Variants in SLCO1B3 observed in about 807,000 individuals in gnomAD.
SLCO1B3 encodes liver-specific organic anion transporter 2.
SLCO1B3 carries 72 observed loss-of-function variants against 71.8 expected under a neutral mutation model. The ratio of observed to expected loss-of-function variants is 1.00; its 90% CI spans 0.83 to 1.22. The LOEUF (loss-of-function observed/expected upper bound fraction) is 1.22. Among genes scored for constraint, SLCO1B3 ranks in the 50% most tolerant of loss-of-function variants. The pLI is 0.00. For missense variants in SLCO1B3, 911 were observed against 819.7 expected, an observed-to-expected ratio of 1.11 and a Z score of -1.36; for synonymous variants, 298 against 278.4, an observed-to-expected ratio of 1.07 and a Z score of -0.70.
At chr12:20,901,802 T>C in intron 15 of SLCO1B3, 1 of 360,636 alleles carries the variant, frequency 2.8e-6, no homozygotes, top group South Asian at 2.0e-5. Context: ...CCCACTGGCT[T>C]CTCCAGGAAG....
intron 8 of SLCO1B3, among the ~76,000 whole-genome samples, chr12:20,873,230 C>T (rs192725209): frequency 4.6e-5 from 7 of 152,214 alleles, no homozygotes; most frequent in Non-Finnish European, 1.0e-4. Flanking sequence ...GTATGCCTAA[C>T]CTAAAGACAA....
At chr12:20,833,494 A>G (rs1864588727) in intron 3 of SLCO1B3, among the ~76,000 whole-genome samples, 1 of 149,076 alleles carries the variant, frequency 6.7e-6, no homozygotes, top group African/African-American at 2.4e-5. Flanking sequence ...ACACAGATAT[A>G]TACATATGTT....
chr12:20,891,065 ATTTC>A (rs1457628792), intron 13 of SLCO1B3, among the ~76,000 whole-genome samples: 3 of 152,070 alleles, frequency 2.0e-5, no homozygotes, highest in Admixed American at 6.6e-5. Context: ...ATTGTTAATT[ATTTC>A]TTAATTGCTT....
intron 3 of SLCO1B3, among the ~76,000 whole-genome samples, chr12:20,850,032 CT>C (rs71043207): frequency 0.36 from 48,539 of 134,016 alleles, 8,977 homozygotes; most frequent in African/African-American, 0.53. Context: ...TCCCAACAGC[CT>C]TTTTTTTTTT....
At chr12:20,823,283 G>A (rs962427038) in intron 3 of SLCO1B3, among the ~76,000 whole-genome samples, 1 of 152,054 alleles carries the variant, frequency 6.6e-6, no homozygotes, top group Non-Finnish European at 1.5e-5. Context: ...TTAATATTTA[G>A]TAATTTCAAA....
intron 3 of SLCO1B3, among the ~76,000 whole-genome samples, chr12:20,831,999 C>G (rs1864551847): frequency 6.6e-6 from 1 of 152,166 alleles, no homozygotes; most frequent in Non-Finnish European, 1.5e-5. Flanking sequence ...AAATGAATTT[C>G]CCTAGTTCTC....
At chr12:20,826,230 C>T (rs201265343) in intron 3 of SLCO1B3, among the ~76,000 whole-genome samples, 44 of 150,670 alleles carry the variant, frequency 2.9e-4, no homozygotes, top group Non-Finnish European at 5.5e-4. Flanking sequence ...TAAGGTAAAA[C>T]TTTTTTTTTA....
At chr12:20,909,789 T>A (rs1184890683) in intron 15 of SLCO1B3, among the ~76,000 whole-genome samples, 1 of 152,120 alleles carries the variant, frequency 6.6e-6, no homozygotes, top group Non-Finnish European at 1.5e-5. Context: ...TAGCTCACTG[T>A]AGCCTTGCAC....
At chr12:20,829,142 C>T (rs1864487497) in intron 3 of SLCO1B3, among the ~76,000 whole-genome samples, 1 of 152,090 alleles carries the variant, frequency 6.6e-6, no homozygotes, top group Non-Finnish European at 1.5e-5. Context: ...AACAAACAAA[C>T]AAAAACCAGT....
intron 8 of SLCO1B3, among the ~76,000 whole-genome samples, chr12:20,874,375 C>G (rs903978486): frequency 1.3e-5 from 2 of 152,104 alleles, no homozygotes; most frequent in Non-Finnish European, 2.9e-5. Flanking sequence ...TTTGTACTTT[C>G]CTGATGTATA....
chr12:20,862,669 G>A (rs1488388966), intron 7 of SLCO1B3, 87 bp from the exon 8 acceptor site: 6 of 1,426,596 alleles, frequency 4.2e-6, no homozygotes, highest in Admixed American at 2.0e-5. Flanking sequence ...TTGCAGAAGT[G>A]TATTGTATAA....
chr12:20,833,588 A>G (rs2121140008), intron 3 of SLCO1B3, among the ~76,000 whole-genome samples: 1 of 148,528 alleles, frequency 6.7e-6, no homozygotes, highest in East Asian at 2.0e-4. Context: ...ATATACATAT[A>G]TTGCATATAT....
intron 3 of SLCO1B3, among the ~76,000 whole-genome samples, chr12:20,849,861 A>T (rs988003555): frequency 2.4e-4 from 37 of 151,896 alleles, no homozygotes; most frequent in African/African-American, 8.4e-4. Context: ...CAAAAAGGTT[A>T]AAAAAAATCA....
chr12:20,840,065 TCTTTTA>T (rs1413293479), intron 3 of SLCO1B3, among the ~76,000 whole-genome samples: 7 of 152,210 alleles, frequency 4.6e-5, no homozygotes, highest in Admixed American at 4.6e-4. Context: ...GCATACTGTC[TCTTTTA>T]CTTTTATAGC....
intron 13 of SLCO1B3, among the ~76,000 whole-genome samples, chr12:20,884,621 A>G (rs939182609): frequency 6.6e-6 from 1 of 152,156 alleles, no homozygotes; most frequent in Non-Finnish European, 1.5e-5. Context: ...ATAAGCACAC[A>G]ATCACCTAAA....
intron 3 of SLCO1B3, among the ~76,000 whole-genome samples, chr12:20,825,072 A>C (rs1378164268): frequency 6.6e-6 from 1 of 152,176 alleles, no homozygotes; most frequent in Non-Finnish European, 1.5e-5. Flanking sequence ...AATCTTATAA[A>C]CAAATCTATT....
At position 20,810,779 on chromosome 12, in the gene SLCO1B3, G is replaced by A. The variant is rs59793824; in HGVS notation, c.-181+15G>A. 6.6e-6 allele frequency: 1 copy of A among 152,102 alleles called. No individual in the cohort carries two copies. The highest frequency in any genetic ancestry group is 1.5e-5 in the Non-Finnish European group (1 of 68,004). The allele number at this position is 152,102 out of a possible 1,614,324, so 9.4% of individuals were successfully genotyped here. The stretch of plus-strand genomic sequence containing the variant: ...TCAAAGTCAAGGTAAGAACCGTCGA[G>A]GTTGTCTAATTAAAACATTTCTTTT... On this transcript the variant is annotated intron_variant, in intron 1 of 15. Transcript: ENST00000381545.
chr12:20,858,402 A>T, intron 4 of SLCO1B3, 37 bp from the exon 5 acceptor site: 4 of 1,447,846 alleles, frequency 2.8e-6, no homozygotes, highest in Non-Finnish European at 3.9e-6. Flanking sequence ...ACAAAATTAC[A>T]CTAAGTCATA....
intron 3 of SLCO1B3, among the ~76,000 whole-genome samples, chr12:20,818,194 A>G (rs964768949): frequency 1.3e-5 from 2 of 152,134 alleles, no homozygotes; most frequent in African/African-American, 2.4e-5. Context: ...GACTTCTGAG[A>G]AGGGAAAGTG....
Sources: allele counts gnomAD v4.1 joint callset (sites outside exome capture counted in the v4.1 genomes callset), GRCh38; gene constraint gnomAD v4.1.1; transcripts MANE v1.5; gene names NCBI Gene and HGNC (gene_info 2026-07-23, HGNC 2026-07-21).